The following SCN3A variants were observed in gnomAD, a reference collection of about 807,000 sequenced individuals.
SCN3A encodes sodium channel protein type 3 subunit alpha.
Under a neutral mutation model 187.6 loss-of-function variants are expected in SCN3A, and 60 were observed. That is an observed-to-expected ratio of 0.32 (90% CI 0.26 to 0.40). SCN3A has a LOEUF of 0.40. SCN3A is among the 10% of genes least tolerant of loss of function. The pLI is 1.00. For synonymous variants in SCN3A, 788 were observed against 829.2 expected, an observed-to-expected ratio of 0.95 and a Z score of 0.85; for missense variants, 1,601 against 2,428.2, an observed-to-expected ratio of 0.66 and a Z score of 7.16.
intron 21 of SCN3A, among the ~76,000 whole-genome samples, chr2:165,107,083 A>G (rs1033040463): frequency 6.6e-6 from 1 of 152,212 alleles, no homozygotes; most frequent in Non-Finnish European, 1.5e-5. Flanking sequence ...TTTGGAAGAA[A>G]TGCATGACTT....
At position 165,178,508 on chromosome 2, in the gene SCN3A, C is replaced by T. The variant is rs552377153; in HGVS notation, c.-50-2064G>A. ...GCCTCCCAAAGTGCTAGGATTACAG[C>T]GGTGAGCCAATGCACTGGGCCCAAA... On this transcript the variant is annotated intron_variant, in intron 2 of 27. Coordinates refer to ENST00000283254, the MANE Select transcript of SCN3A (RefSeq NM_006922.4). Among the ~76,000 whole-genome samples the T allele has an allele frequency of 4.3e-4, 65 of 152,252 alleles. 1 individual carries two copies. Among genetic ancestry groups the T allele is most frequent in the African/African-American group, 1.3e-3 (56 of 41,562 alleles).
At chr2:165,183,703 A>G (rs1183872806) in intron 2 of SCN3A, among the ~76,000 whole-genome samples, 2 of 152,176 alleles carry the variant, frequency 1.3e-5, no homozygotes, top group African/African-American at 2.4e-5. Context: ...CTGTAGTATT[A>G]GTAGTGTCTC....
At chr2:165,159,871 C>T (rs1344089501) in intron 9 of SCN3A, among the ~76,000 whole-genome samples, 1 of 136,672 alleles carries the variant, frequency 7.3e-6, no homozygotes, top group Non-Finnish European at 1.5e-5. Context: ...CTGGCTCACT[C>T]CTGTAATCCC....
chr2:165,163,689 T>A lies in SCN3A; in HGVS notation c.623A>T (p.Asp208Val). The A allele has an allele frequency of 6.2e-7, 1 of 1,614,014 alleles. No homozygotes were observed. Among genetic ancestry groups the A allele is most frequent in the Non-Finnish European group, 8.5e-7 (1 of 1,179,958 alleles). ...IVMAYVTEFVDLGNVSALRTF... is the reference protein window; with the variant it reads ...IVMAYVTEFVVLGNVSALRTF... ...TCTCAACGCTGAGACATTGCCCAGG[T>A]CCACAAACTCTGTCACATATCTGTA... Residue 208 changes from aspartate (D) to valine (V), a missense_variant, in exon 7 of 28, where the codon GAC becomes GTC. Around this residue, in one of 11 missense-constraint regions of SCN3A, gnomAD observed 122 missense variants for 225.1 expected, o/e 0.54. Transcript: ENST00000283254.
Position 165,100,299 on chromosome 2 carries a change from T to C in SCN3A, c.3966+3A>G. 6.2e-7 allele frequency: 1 copy of C among 1,613,656 alleles called. No individual in the cohort carries two copies. Among genetic ancestry groups the C allele is most frequent in the South Asian group, 1.1e-5 (1 of 91,048 alleles). Reference sequence around the variant, plus strand: ...GAATAATTAGAGTGTCTATTCTTCTTACCCTCATGCCTTCAAACCGGGATA... The same window carrying C: ...GAATAATTAGAGTGTCTATTCTTCTCACCCTCATGCCTTCAAACCGGGATA... On this transcript the variant is annotated splice_donor_region_variant and intron_variant, in intron 22 of 27. Coordinates refer to ENST00000283254, the MANE Select transcript of SCN3A (RefSeq NM_006922.4).
Position 165,139,469 on chromosome 2 carries a change from T to G in SCN3A, c.2152+7A>C. The G allele has an allele frequency of 6.2e-7, 1 of 1,613,872 alleles. No individual in the cohort carries two copies. Among genetic ancestry groups the G allele is most frequent in the Non-Finnish European group, 8.5e-7 (1 of 1,179,830 alleles). ...GAAAGTTGGCTGTTCCATGACCTGC[T>G]TCTTACCTTCCATTGTGTTGGTCAG... is the stretch of plus-strand genomic sequence containing the variant. On this transcript the variant is annotated splice_region_variant and intron_variant, in intron 14 of 27. Coordinates refer to ENST00000283254, the MANE Select transcript of SCN3A (RefSeq NM_006922.4).
chr2:165,171,774 T>A (rs1472739474), intron 3 of SCN3A, among the ~76,000 whole-genome samples: 2 of 152,140 alleles, frequency 1.3e-5, no homozygotes. Context: ...AGTAGCAATT[T>A]ACACAGTGTT....
At chr2:165,144,906 A>C (rs1226472178) in intron 12 of SCN3A, among the ~76,000 whole-genome samples, 1 of 152,210 alleles carries the variant, frequency 6.6e-6, no homozygotes. Flanking sequence ...GAACTGATCT[A>C]CAAAATTTAT....
chr2:165,105,723 G>A (rs1685819829), intron 21 of SCN3A, among the ~76,000 whole-genome samples: 1 of 152,122 alleles, frequency 6.6e-6, no homozygotes, highest in Admixed American at 6.5e-5. Flanking sequence ...TCCAGACTGG[G>A]AGTGGTGGCT....
chr2:165,134,430 A>G (rs778920286), intron 15 of SCN3A, among the ~76,000 whole-genome samples: 82 of 152,144 alleles, frequency 5.4e-4, no homozygotes, highest in Non-Finnish European at 9.4e-4. Flanking sequence ...TATAACAATT[A>G]TTTGGTTCCA....
intron 2 of SCN3A, chr2:165,179,601 A>C (rs1252569197): frequency 6.6e-6 from 1 of 152,232 alleles, no homozygotes; most frequent in African/African-American, 2.4e-5. Flanking sequence ...AATCTTGGTC[A>C]AAAGAAAGTA....
intron 3 of SCN3A, among the ~76,000 whole-genome samples, chr2:165,173,881 G>A (rs763540827): frequency 7.9e-5 from 12 of 152,108 alleles, no homozygotes; most frequent in African/African-American, 1.2e-4. Flanking sequence ...TAGATGTCTC[G>A]CAAGATGGTT....
chr2:165,163,878 A>G (rs764847435), intron 6 of SCN3A, 169 bp from the exon 7 acceptor site: 1 of 1,613,764 alleles, frequency 6.2e-7, no homozygotes. Context: ...CTAGGCTTAC[A>G]AATTCTGTTA....
In SCN3A at chr2:165,088,140, T is replaced by C. The variant is rs1430933202; in HGVS notation, c.*2010A>G. The C allele has an allele frequency of 2.6e-5, 4 of 152,502 alleles. No individual in the cohort carries two copies. The highest frequency in any genetic ancestry group is 9.7e-5 in the African/African-American group (4 of 41,438). 9.4% of individuals were successfully genotyped at this position (152,502 alleles called of 1,614,324 possible). A position where few individuals can be genotyped will look rare whatever the true frequency, so the allele number is the denominator to read the frequency against. On this transcript the variant is annotated 3_prime_UTR_variant, in exon 28 of 28. Transcript: ENST00000283254. ...AAACCCCAGAGGCCAATAAGTGAAATGCAATAAAAAATGAAATTTATTCTT... is the reference window on the plus strand; with the variant it reads ...AAACCCCAGAGGCCAATAAGTGAAACGCAATAAAAAATGAAATTTATTCTT...
chr2:165,112,338 T>A (rs1686162552), intron 21 of SCN3A, among the ~76,000 whole-genome samples: 1 of 152,232 alleles, frequency 6.6e-6, no homozygotes, highest in Admixed American at 6.5e-5. Context: ...CCTGATTAGC[T>A]ATTGGGATCT....
intron 1 of SCN3A, among the ~76,000 whole-genome samples, chr2:165,188,537 C>T (rs1691381997): frequency 6.6e-6 from 1 of 152,124 alleles, no homozygotes; most frequent in South Asian, 2.1e-4. Flanking sequence ...CGCCTGTAAT[C>T]CCAGCACTTT....
Position 165,164,512 on chromosome 2 carries a change from A to T in SCN3A, c.482T>A (p.Phe161Tyr). ...PDWTKNVEYTFTGIYTFESLI... is the reference protein window; with the variant it reads ...PDWTKNVEYTYTGIYTFESLI... The stretch of plus-strand genomic sequence containing the variant: ...TGACTCAAAGGTATAGATTCCAGTG[A>T]ATGTGTACCTAGGAAAAACATCCAA... Residue 161 changes from phenylalanine (F) to tyrosine (Y), a missense_variant, in exon 6 of 28, where the codon TTC becomes TAC. Coordinates refer to ENST00000283254, the MANE Select transcript of SCN3A (RefSeq NM_006922.4). 1 of 1,613,692 alleles carries T rather than the reference A, an allele frequency of 6.2e-7. No homozygotes were observed. The highest frequency in any genetic ancestry group is 8.5e-7 in the Non-Finnish European group (1 of 1,179,746).
chr2:165,169,170 G>A (rs902156399), intron 4 of SCN3A, among the ~76,000 whole-genome samples: 1 of 151,832 alleles, frequency 6.6e-6, no homozygotes, highest in African/African-American at 2.4e-5. Context: ...TGTAAAAGGT[G>A]TACTTCAGAT....
intron 1 of SCN3A, chr2:165,195,026 G>A (rs2105980178): frequency 6.6e-6 from 1 of 152,226 alleles, no homozygotes; most frequent in East Asian, 1.9e-4. Context: ...AGGACAGGAA[G>A]GGGATGCTGT....
Sources: allele counts gnomAD v4.1 joint callset (sites outside exome capture counted in the v4.1 genomes callset), GRCh38; gene constraint gnomAD v4.1.1; regional missense constraint gnomAD v4.1.1; transcripts MANE v1.5; gene names NCBI Gene and HGNC (gene_info 2026-07-23, HGNC 2026-07-21).